The following ATRNL1 variants were observed in gnomAD, a reference collection of about 807,000 sequenced individuals.
ATRNL1 encodes the protein attractin-like protein 1.
ATRNL1 carries 95 observed loss-of-function variants against 182.7 expected under a neutral mutation model. The ratio of observed to expected loss-of-function variants is 0.52; its 90% CI spans 0.44 to 0.62. The LOEUF is 0.62. Ranked by LOEUF, ATRNL1 falls within the 20% of genes least tolerant of loss-of-function variation. The pLI, the probability that ATRNL1 is intolerant of heterozygous loss-of-function variation, is 0.00. For missense variants in ATRNL1, 1,471 were observed against 1,679.5 expected (o/e 0.88, Z 2.17); for synonymous variants, 576 against 568.3 (o/e 1.01, Z -0.19).
intron 27 of ATRNL1, among the ~76,000 whole-genome samples, chr10:115,794,639 T>G (rs1270910518): frequency 6.6e-6 from 1 of 152,166 alleles, no homozygotes; most frequent in Non-Finnish European, 1.5e-5. Flanking sequence ...AATGTAATCT[T>G]TAGTGGTGAT....
At chr10:115,436,928 G>A (rs1353806486) in intron 21 of ATRNL1, among the ~76,000 whole-genome samples, 3 of 151,984 alleles carry the variant, frequency 2.0e-5, no homozygotes, top group Non-Finnish European at 4.4e-5. Context: ...TGTGATTTTC[G>A]TAAGAGCTCT....
intron 6 of ATRNL1, among the ~76,000 whole-genome samples, chr10:115,163,656 G>A (rs577983559): frequency 2.0e-5 from 3 of 152,112 alleles, no homozygotes; most frequent in South Asian, 4.1e-4. Context: ...GTGAGCTACC[G>A]TGCCTGGCCT....
intron 26 of ATRNL1, among the ~76,000 whole-genome samples, chr10:115,692,181 C>A (rs782526120): frequency 6.6e-6 from 1 of 152,146 alleles, no homozygotes; most frequent in African/African-American, 2.4e-5. Context: ...TTTCCTCCAA[C>A]TATAGTAAGG....
chr10:115,896,923 C>T (rs1451458054), intron 28 of ATRNL1, among the ~76,000 whole-genome samples: 2 of 151,976 alleles, frequency 1.3e-5, no homozygotes, highest in Admixed American at 6.6e-5. Context: ...AGGGAGGACC[C>T]ACAAAGAAAA....
intron 5 of ATRNL1, among the ~76,000 whole-genome samples, chr10:115,152,942 G>A (rs542703473): frequency 2.2e-4 from 33 of 152,024 alleles, no homozygotes; most frequent in African/African-American, 7.5e-4. Flanking sequence ...GTTGAATTTT[G>A]TCAAAGGCCT....
At chr10:115,608,556 A>G (rs1449778268) in intron 26 of ATRNL1, among the ~76,000 whole-genome samples, 1 of 152,104 alleles carries the variant, frequency 6.6e-6, no homozygotes, top group African/African-American at 2.4e-5. Context: ...TTATTACTAA[A>G]AGTATGCATT....
intron 28 of ATRNL1, among the ~76,000 whole-genome samples, chr10:115,906,338 T>C (rs1555114541): frequency 6.6e-6 from 1 of 152,204 alleles, no homozygotes; most frequent in Non-Finnish European, 1.5e-5. Context: ...CAGATTTCTC[T>C]CTGCCTTAAC....
chr10:115,701,273 C>T (rs574598532), intron 26 of ATRNL1, among the ~76,000 whole-genome samples: 1 of 151,986 alleles, frequency 6.6e-6, no homozygotes, highest in Non-Finnish European at 1.5e-5. Context: ...AATATAGATA[C>T]AACATACCAA....
chr10:115,923,271 T>G (rs1565490839), intron 28 of ATRNL1, among the ~76,000 whole-genome samples: 2 of 152,100 alleles, frequency 1.3e-5, no homozygotes. Context: ...AGATCAAAAA[T>G]TAGAATTCTA....
At chr10:115,296,082 G>A (rs1479832227) in intron 15 of ATRNL1, among the ~76,000 whole-genome samples, 1 of 152,144 alleles carries the variant, frequency 6.6e-6, no homozygotes, top group African/African-American at 2.4e-5. Flanking sequence ...CTCAGAGCTT[G>A]TAAGGACTGT....
chr10:115,328,369 A>G (rs1336395909), intron 18 of ATRNL1, among the ~76,000 whole-genome samples: 2 of 152,142 alleles, frequency 1.3e-5, no homozygotes, highest in Non-Finnish European at 2.9e-5. Flanking sequence ...ATGTTGTATA[A>G]TGGTCGAATC....
chr10:115,371,208 C>A (rs1857377556), intron 19 of ATRNL1, among the ~76,000 whole-genome samples: 1 of 152,194 alleles, frequency 6.6e-6, no homozygotes, highest in African/African-American at 2.4e-5. Flanking sequence ...AGAACCTCTG[C>A]TGGGGCAGTG....
In ATRNL1 at chr10:115,945,656, C is replaced by T. The variant is rs1555125482; in HGVS notation, c.*877C>T. Reference sequence around the variant, plus strand: ...ATCATTGGATCAGACCTAAATGATCCATCTGCATTTTTATAAGAATGGATC... The same window carrying T: ...ATCATTGGATCAGACCTAAATGATCTATCTGCATTTTTATAAGAATGGATC... On this transcript the variant is annotated 3_prime_UTR_variant, in exon 29 of 29. Coordinates refer to ENST00000355044, the MANE Select transcript of ATRNL1 (RefSeq NM_207303.4). The T allele has an allele frequency of 6.6e-6, 1 of 152,154 alleles. No homozygotes were observed. Among genetic ancestry groups the T allele is most frequent in the African/African-American group, 2.4e-5 (1 of 41,418 alleles). The allele number at this position is 152,154 out of a possible 1,614,324, so 9.4% of individuals were successfully genotyped here. A position where few individuals can be genotyped will look rare whatever the true frequency, so the allele number is the denominator to read the frequency against.
At chr10:115,658,598 G>C (rs1860483411) in intron 26 of ATRNL1, among the ~76,000 whole-genome samples, 1 of 151,964 alleles carries the variant, frequency 6.6e-6, no homozygotes, top group Non-Finnish European at 1.5e-5. Context: ...AGTTCCAGGG[G>C]GTATAGTATC....
intron 26 of ATRNL1, among the ~76,000 whole-genome samples, chr10:115,677,700 C>T (rs1168491696): frequency 6.6e-6 from 1 of 152,016 alleles, no homozygotes; most frequent in Non-Finnish European, 1.5e-5. Context: ...CTTTTTCTTT[C>T]CAGTCTCGGA....
intron 26 of ATRNL1, among the ~76,000 whole-genome samples, chr10:115,596,908 G>A (rs1363067741): frequency 6.6e-6 from 1 of 151,808 alleles, no homozygotes; most frequent in East Asian, 1.9e-4. Flanking sequence ...GAAATTTATT[G>A]TTACTACAAT....
Position 115,209,931 on chromosome 10 carries a change from A to G in ATRNL1, c.1349-5766A>G, listed in dbSNP as rs184528972. Among the ~76,000 whole-genome samples the G allele has an allele frequency of 6.5e-3, 992 of 152,110 alleles. 11 individuals carry two copies. Among genetic ancestry groups the G allele is most frequent in the African/African-American group, 0.023 (938 of 41,546 alleles). Reference sequence around the variant, plus strand: ...TTCACCTGAAACTACTATACCACTTATGAATTCCTTGCCTGAACTGCTAGT... The same window carrying G: ...TTCACCTGAAACTACTATACCACTTGTGAATTCCTTGCCTGAACTGCTAGT... On this transcript the variant is annotated intron_variant, in intron 8 of 28. Coordinates refer to ENST00000355044, the MANE Select transcript of ATRNL1 (RefSeq NM_207303.4).
intron 9 of ATRNL1, among the ~76,000 whole-genome samples, chr10:115,223,909 G>A (rs1318072145): frequency 1.1e-3 from 66 of 57,516 alleles, no homozygotes; most frequent in African/African-American, 4.2e-3. Flanking sequence ...GTGTGTGTGT[G>A]TGTGTATATA....
chr10:115,920,617 G>C (rs1479912211), intron 28 of ATRNL1, among the ~76,000 whole-genome samples: 2 of 152,218 alleles, frequency 1.3e-5, no homozygotes, highest in Non-Finnish European at 2.9e-5. Flanking sequence ...TGTATAAGAA[G>C]AGGAGCCCAA....
Sources: gnomAD v4.1 joint callset for allele counts (sites outside exome capture counted in the v4.1 genomes callset) on GRCh38, gnomAD v4.1.1 for gene constraint, MANE v1.5 for transcripts, NCBI Gene and HGNC (gene_info 2026-07-23, HGNC 2026-07-21) for gene names.